The following PDE4D variants were observed in gnomAD, a reference collection of about 807,000 sequenced individuals.
PDE4D encodes 3',5'-cyclic-AMP phosphodiesterase 4D.
In PDE4D, 24 loss-of-function variants were observed where a neutral mutation model predicts 87.4. The observed-to-expected ratio is 0.27, with a 90% CI of 0.20 to 0.39. The LOEUF (loss-of-function observed/expected upper bound fraction) is 0.39. Ranked by LOEUF, PDE4D falls within the 10% of genes least tolerant of loss-of-function variation. The pLI, the probability that PDE4D is intolerant of heterozygous loss-of-function variation, is 1.00. For synonymous variants in PDE4D, 384 were observed against 383.2 expected, an observed-to-expected ratio of 1.00 and a Z score of -0.02; for missense variants, 714 against 1,041.0, an observed-to-expected ratio of 0.69 and a Z score of 4.32.
intron 2 of PDE4D, among the ~76,000 whole-genome samples, chr5:60,024,338 G>C (rs1000881935): frequency 2.6e-5 from 4 of 152,134 alleles, no homozygotes; most frequent in Non-Finnish European, 4.4e-5. Context: ...ATGAAACTAT[G>C]CTTAGTTGCA....
intron 1 of PDE4D, among the ~76,000 whole-genome samples, chr5:59,567,833 T>A (rs1210652816): frequency 6.6e-6 from 1 of 152,152 alleles, no homozygotes; most frequent in Admixed American, 6.5e-5. Flanking sequence ...TGGTAATGAG[T>A]TAGATTTGAA....
At chr5:59,721,100 T>C (rs562642234) in intron 1 of PDE4D, among the ~76,000 whole-genome samples, 1 of 152,296 alleles carries the variant, frequency 6.6e-6, no homozygotes, top group South Asian at 2.1e-4. Flanking sequence ...GATTTATGTT[T>C]TAAACTAATA....
chr5:60,209,187 C>T (rs79452029), intron 1 of PDE4D, among the ~76,000 whole-genome samples: 8,340 of 108,706 alleles, frequency 0.077, 377 homozygotes, highest in Non-Finnish European at 0.11. Context: ...TTCTTTTTTT[C>T]TTTTTTTTTT....
At chr5:59,653,378 A>G (rs925634849) in intron 1 of PDE4D, among the ~76,000 whole-genome samples, 6 of 151,944 alleles carry the variant, frequency 3.9e-5, no homozygotes, top group African/African-American at 1.4e-4. Flanking sequence ...TAATTTTTGT[A>G]TTTTTAGTAG....
At chr5:60,351,028 C>T (rs950686382) in intron 1 of PDE4D, among the ~76,000 whole-genome samples, 8 of 152,112 alleles carry the variant, frequency 5.3e-5, no homozygotes, top group Admixed American at 4.6e-4. Flanking sequence ...TCTCAGGTGC[C>T]GTTGCTGATC....
chr5:60,484,772 A>G (rs530830382), intron 1 of PDE4D, among the ~76,000 whole-genome samples: 1 of 152,244 alleles, frequency 6.6e-6, no homozygotes, highest in East Asian at 1.9e-4. Flanking sequence ...AATATGTTTT[A>G]GAAGTAAAGA....
chr5:59,180,079 G>T (rs775689771), intron 5 of PDE4D, among the ~76,000 whole-genome samples: 4 of 152,108 alleles, frequency 2.6e-5, no homozygotes, highest in Middle Eastern at 3.4e-3. Context: ...TTTCTGCATT[G>T]TATATTAACT....
At chr5:60,133,557 A>G (rs990019358) in intron 2 of PDE4D, among the ~76,000 whole-genome samples, 1 of 152,220 alleles carries the variant, frequency 6.6e-6, no homozygotes, top group African/African-American at 2.4e-5. Flanking sequence ...TCATGAAAAA[A>G]AAGACACAAT....
chr5:59,444,780 C>G lies in PDE4D; in HGVS notation c.456-228812G>C, dbSNP rs1582637299. 3.3e-5 allele frequency among the ~76,000 whole-genome samples: 5 copies of G among 152,226 alleles called. No individual in the cohort carries two copies. The South Asian group carries it at 1.0e-3, about 32-fold the overall frequency. On this transcript the variant is annotated intron_variant, in intron 1 of 14. Coordinates refer to ENST00000340635, the MANE Select transcript of PDE4D (RefSeq NM_001104631.2). ...TGAGCCGAGATCGCCCCACTGCACT[C>G]CAGCCTGGGTGACAGCGAGAGTCCG...
intron 1 of PDE4D, among the ~76,000 whole-genome samples, chr5:59,233,815 T>C (rs1432083060): frequency 6.6e-6 from 1 of 152,166 alleles, no homozygotes; most frequent in Non-Finnish European, 1.5e-5. Flanking sequence ...TACCTATCCA[T>C]TCCACAAATG....
intron 1 of PDE4D, among the ~76,000 whole-genome samples, chr5:59,754,419 C>G (rs539358243): frequency 5.3e-5 from 8 of 152,230 alleles, no homozygotes; most frequent in African/African-American, 1.7e-4. Context: ...TCACATCAGA[C>G]CTATTGTGGG....
intron 6 of PDE4D, among the ~76,000 whole-genome samples, chr5:58,995,527 G>T (rs1047140253): frequency 6.6e-6 from 1 of 152,020 alleles, no homozygotes; most frequent in African/African-American, 2.4e-5. Flanking sequence ...TAAATTATGG[G>T]CTATCATATA....
chr5:59,854,322 G>A (rs1156280412), intron 1 of PDE4D, among the ~76,000 whole-genome samples: 1 of 151,714 alleles, frequency 6.6e-6, no homozygotes, highest in East Asian at 1.9e-4. Context: ...TATATCTATT[G>A]AAAATCATTA....
intron 1 of PDE4D, among the ~76,000 whole-genome samples, chr5:59,527,306 A>C (rs1342777314): frequency 6.6e-6 from 1 of 152,162 alleles, no homozygotes; most frequent in Non-Finnish European, 1.5e-5. Flanking sequence ...TTTTTATAAG[A>C]TCCTTTTTTA....
intron 1 of PDE4D, among the ~76,000 whole-genome samples, chr5:59,584,138 T>C (rs1332402397): frequency 6.6e-6 from 1 of 152,128 alleles, no homozygotes; most frequent in East Asian, 1.9e-4. Flanking sequence ...TCTCACCCTA[T>C]AGGGGCTCTT....
intron 2 of PDE4D, among the ~76,000 whole-genome samples, chr5:60,086,923 G>C (rs893284270): frequency 6.6e-5 from 10 of 152,222 alleles, no homozygotes; most frequent in African/African-American, 1.9e-4. Flanking sequence ...TGCTGCAAGG[G>C]GGGGCACCAT....
At chr5:60,265,846 T>C (rs369499863) in intron 1 of PDE4D, among the ~76,000 whole-genome samples, 5 of 152,104 alleles carry the variant, frequency 3.3e-5, no homozygotes, top group African/African-American at 1.2e-4. Flanking sequence ...GAGAGCAAGG[T>C]GATTCTTTGA....
At chr5:59,236,953 T>C (rs533870671) in intron 1 of PDE4D, among the ~76,000 whole-genome samples, 2 of 152,310 alleles carry the variant, frequency 1.3e-5, no homozygotes, top group South Asian at 4.1e-4. Context: ...GGATTCTTTA[T>C]CACGGCACTT....
chr5:60,308,682 T>C (rs947530831), intron 1 of PDE4D, among the ~76,000 whole-genome samples: 1 of 152,192 alleles, frequency 6.6e-6, no homozygotes, highest in Non-Finnish European at 1.5e-5. Flanking sequence ...CACAGCATGG[T>C]TTATAATTAC....
Sources: gnomAD v4.1 joint callset for allele counts (sites outside exome capture counted in the v4.1 genomes callset) on GRCh38, gnomAD v4.1.1 for gene constraint, MANE v1.5 for transcripts, NCBI Gene and HGNC (gene_info 2026-07-23, HGNC 2026-07-21) for gene names.